Variants in CTNNBL1 observed in about 807,000 individuals in gnomAD.
CTNNBL1 encodes the protein catenin beta like 1.
In CTNNBL1, 31 loss-of-function variants were observed where a neutral mutation model predicts 72.7. The ratio of observed to expected loss-of-function variants is 0.43; its 90% confidence interval spans 0.32 to 0.58. CTNNBL1 has a LOEUF of 0.58. Among genes scored for constraint, CTNNBL1 ranks in the 20% least tolerant of loss-of-function variants. CTNNBL1 has a pLI of 0.08. For missense variants in CTNNBL1, 534 were observed against 725.1 expected, an observed-to-expected ratio of 0.74 and a Z score of 3.03; for synonymous variants, 240 against 267.3, an observed-to-expected ratio of 0.90 and a Z score of 1.00.
At chr20:37,842,831 A>G (rs550572795) in intron 13 of CTNNBL1, among the ~76,000 whole-genome samples, 4 of 152,330 alleles carry the variant, frequency 2.6e-5, no homozygotes, top group Admixed American at 2.0e-4. Context: ...GCTGGAAGGA[A>G]ACTGAATGGT....
intron 11 of CTNNBL1, among the ~76,000 whole-genome samples, chr20:37,806,504 C>T (rs776874221): frequency 3.3e-5 from 5 of 152,170 alleles, no homozygotes; most frequent in Non-Finnish European, 7.3e-5. Flanking sequence ...GGTTTTAGGC[C>T]TCACAAGGTC....
intron 11 of CTNNBL1, among the ~76,000 whole-genome samples, chr20:37,821,862 A>G (rs1007916056): frequency 6.6e-6 from 1 of 152,066 alleles, no homozygotes; most frequent in Non-Finnish European, 1.5e-5. Flanking sequence ...GCCAGTAGCA[A>G]CCCCCAGTCA....
At chr20:37,776,187 A>G (rs1173612938) in intron 7 of CTNNBL1, among the ~76,000 whole-genome samples, 1 of 152,216 alleles carries the variant, frequency 6.6e-6, no homozygotes, top group East Asian at 1.9e-4. Flanking sequence ...CATTTAGCAC[A>G]TGTAAGACCT....
At chr20:37,790,571 T>G (rs550431605) in intron 10 of CTNNBL1, among the ~76,000 whole-genome samples, 1 of 152,232 alleles carries the variant, frequency 6.6e-6, no homozygotes, top group Non-Finnish European at 1.5e-5. Flanking sequence ...AGTTTGCACC[T>G]GTTCTCTAGG....
chr20:37,762,198 C>T (rs976044567), intron 5 of CTNNBL1, among the ~76,000 whole-genome samples: 1 of 152,108 alleles, frequency 6.6e-6, no homozygotes, highest in East Asian at 1.9e-4. Flanking sequence ...ACCATGTTAC[C>T]ATATTATTCT....
At chr20:37,870,463 A>G (rs149699197) in intron 15 of CTNNBL1, among the ~76,000 whole-genome samples, 133 of 151,838 alleles carry the variant, frequency 8.8e-4, no homozygotes, top group African/African-American at 2.8e-3. Flanking sequence ...AGCCTCCCCA[A>G]TGCTCTTGTC....
intron 11 of CTNNBL1, among the ~76,000 whole-genome samples, chr20:37,816,238 C>CT (rs1227138308): frequency 6.6e-6 from 1 of 152,180 alleles, no homozygotes; most frequent in Non-Finnish European, 1.5e-5. Context: ...TAGGAGCAGT[C>CT]TATTAAAGGA....
Position 37,765,198 on chromosome 20 carries a change from T to C in CTNNBL1, c.566T>C (p.Val189Ala). 1 of 1,550,480 alleles carries C rather than the reference T, an allele frequency of 6.4e-7. No homozygotes were observed. The highest frequency in any genetic ancestry group is 8.7e-7 in the Non-Finnish European group (1 of 1,145,980). ...EGAEVLIDAL[V>A]DGQVVALLVQ... Reference sequence around the variant, plus strand: ...CCTTTTGCTTCGCTATTCTTGCAGGTGGATGGGCAGGTGGTAGCACTGCTG... The same window carrying C: ...CCTTTTGCTTCGCTATTCTTGCAGGCGGATGGGCAGGTGGTAGCACTGCTG... The change falls in exon 6 of 16, where the codon GTG (valine) becomes GCG (alanine). Residue 189 changes from valine to alanine, a missense_variant and splice_region_variant. By Grantham distance (64) the Val-to-Ala change is moderately conservative (BLOSUM62 0). Coordinates refer to ENST00000361383, the MANE Select transcript of CTNNBL1 (RefSeq NM_030877.5).
intron 11 of CTNNBL1, among the ~76,000 whole-genome samples, chr20:37,812,349 G>A (rs151336396): frequency 6.6e-6 from 1 of 152,226 alleles, no homozygotes; most frequent in East Asian, 1.9e-4. Flanking sequence ...TAAACCTCTT[G>A]CCTTTTGTGG....
At chr20:37,785,445 T>C (rs1342725785) in intron 10 of CTNNBL1, among the ~76,000 whole-genome samples, 1 of 152,182 alleles carries the variant, frequency 6.6e-6, no homozygotes, top group African/African-American at 2.4e-5. Context: ...GTGTGCTTCG[T>C]TCTTTCTTAT....
chr20:37,746,416 C>T (rs2073262925), intron 3 of CTNNBL1, 52 bp from the exon 4 acceptor site: 1 of 1,590,156 alleles, frequency 6.3e-7, no homozygotes, highest in Non-Finnish European at 8.6e-7. Flanking sequence ...GTTTGCTCCT[C>T]ATTGCTGATA....
intron 11 of CTNNBL1, among the ~76,000 whole-genome samples, chr20:37,835,736 G>C (rs141859377): frequency 4.6e-5 from 7 of 152,252 alleles, no homozygotes; most frequent in African/African-American, 1.7e-4. Context: ...ATAAAATAAC[G>C]CAAAACTGGA....
At chr20:37,783,168 C>T (rs967227920) in intron 10 of CTNNBL1, among the ~76,000 whole-genome samples, 17 of 152,314 alleles carry the variant, frequency 1.1e-4, no homozygotes, top group African/African-American at 4.1e-4. Context: ...TTCTTGGCCT[C>T]CCAAAGTGCT....
intron 13 of CTNNBL1, 112 bp downstream of exon 13, chr20:37,842,531 T>C (rs2072313556): frequency 2.7e-6 from 2 of 743,084 alleles, no homozygotes; most frequent in Non-Finnish European, 4.8e-6. Flanking sequence ...CCATCTAACA[T>C]GTTATAGAAG....
chr20:37,826,096 C>A (rs956000582), intron 11 of CTNNBL1, among the ~76,000 whole-genome samples: 5 of 152,164 alleles, frequency 3.3e-5, no homozygotes, highest in Admixed American at 6.5e-5. Context: ...GCCTTCTGCC[C>A]AAGCTCTGAA....
chr20:37,853,994 A>G (rs757257092), intron 13 of CTNNBL1, among the ~76,000 whole-genome samples: 7 of 152,270 alleles, frequency 4.6e-5, no homozygotes, highest in Non-Finnish European at 1.0e-4. Context: ...ATCTCTGTGC[A>G]TGTTCAATGC....
At chr20:37,869,543 C>G (rs2072565584) in intron 15 of CTNNBL1, among the ~76,000 whole-genome samples, 1 of 152,242 alleles carries the variant, frequency 6.6e-6, no homozygotes, top group African/African-American at 2.4e-5. Flanking sequence ...GCGAAAGCCC[C>G]TGCCTTCATG....
intron 13 of CTNNBL1, among the ~76,000 whole-genome samples, chr20:37,848,328 C>T (rs1448192796): frequency 6.6e-6 from 1 of 151,908 alleles, no homozygotes; most frequent in Non-Finnish European, 1.5e-5. Context: ...CTAATGTTTG[C>T]ATTTTTTTGT....
chr20:37,741,430 C>T (rs1043688720), intron 3 of CTNNBL1, among the ~76,000 whole-genome samples: 2 of 152,160 alleles, frequency 1.3e-5, no homozygotes, highest in Non-Finnish European at 2.9e-5. Flanking sequence ...TTTTAATCCT[C>T]ACTATAGGAA....
Sources: gnomAD v4.1 joint callset for allele counts (sites outside exome capture counted in the v4.1 genomes callset) on GRCh38, gnomAD v4.1.1 for gene constraint, MANE v1.5 for transcripts, NCBI Gene and HGNC (gene_info 2026-07-23, HGNC 2026-07-21) for gene names.